Variants in MACC1 observed in about 807,000 individuals in gnomAD.
MACC1 encodes the protein metastasis-associated in colon cancer protein 1.
In MACC1, 79 loss-of-function variants were observed where a neutral mutation model predicts 70.7. The ratio of observed to expected loss-of-function variants is 1.12; its 90% confidence interval spans 0.93 to 1.35. MACC1 has a LOEUF of 1.35. MACC1 is among the 40% of genes most tolerant of loss of function. The pLI is 0.00. For synonymous variants in MACC1, 361 were observed against 347.2 expected (o/e 1.04, Z -0.44); for missense variants, 1,106 against 978.1 (o/e 1.13, Z -1.74).
intron 1 of MACC1, among the ~76,000 whole-genome samples, chr7:20,197,356 G>T (rs1053510069): frequency 6.6e-6 from 1 of 152,124 alleles, no homozygotes; most frequent in Non-Finnish European, 1.5e-5. Flanking sequence ...TATTCCCTTG[G>T]AATCTCTATT....
At chr7:20,169,987 C>T in intron 2 of MACC1, among the ~76,000 whole-genome samples, 1 of 152,182 alleles carries the variant, frequency 6.6e-6, no homozygotes, top group East Asian at 1.9e-4. Context: ...CTTGAGACTC[C>T]AATCTCTGAT....
chr7:20,197,999 A>C (rs536001006), intron 1 of MACC1, among the ~76,000 whole-genome samples: 59 of 152,354 alleles, frequency 3.9e-4, no homozygotes, highest in African/African-American at 1.3e-3. Context: ...CCTAAGAGGA[A>C]AATACCACCC....
chr7:20,170,079 A>C (rs1338603181), intron 2 of MACC1: 1 of 152,214 alleles, frequency 6.6e-6, no homozygotes, highest in African/African-American at 2.4e-5. Context: ...GATTCCTGCC[A>C]AAAGAGTGAC....
At chr7:20,144,753 G>T (rs559048335) in intron 6 of MACC1, among the ~76,000 whole-genome samples, 1 of 152,146 alleles carries the variant, frequency 6.6e-6, no homozygotes, top group Admixed American at 6.5e-5. Context: ...GACAGACAAG[G>T]GTTTAGCATC....
At chr7:20,180,642 T>A (rs1019505662) in intron 1 of MACC1, among the ~76,000 whole-genome samples, 2 of 152,024 alleles carry the variant, frequency 1.3e-5, no homozygotes, top group Non-Finnish European at 2.9e-5. Flanking sequence ...GTCAGGAGTT[T>A]GAGACCAGCC....
chr7:20,157,651 G>T (rs1267318464), intron 5 of MACC1, among the ~76,000 whole-genome samples: 104 of 150,026 alleles, frequency 6.9e-4, no homozygotes, highest in African/African-American at 2.5e-3. Context: ...CAGGCATGGC[G>T]GCACATGCCT....
At chr7:20,179,504 C>T (rs1325275991) in intron 1 of MACC1, among the ~76,000 whole-genome samples, 1 of 152,116 alleles carries the variant, frequency 6.6e-6, no homozygotes, top group Non-Finnish European at 1.5e-5. Context: ...CTTCTTAGGT[C>T]ACTAAATGGT....
At chr7:20,200,142 T>A (rs1200244682) in intron 1 of MACC1, among the ~76,000 whole-genome samples, 1 of 151,896 alleles carries the variant, frequency 6.6e-6, no homozygotes, top group African/African-American at 2.4e-5. Context: ...AATAAACACC[T>A]AGGAGTGTGT....
Position 20,158,377 on chromosome 7 carries a change from A to C in MACC1, c.1984T>G (p.Tyr662Asp). 11 of 1,613,750 alleles carry C rather than the reference A, an allele frequency of 6.8e-6. 1 individual carries two copies. Among genetic ancestry groups the C allele is most frequent in the Non-Finnish European group, 8.5e-6 (10 of 1,179,922 alleles). Residue 662 changes from tyrosine (Y) to aspartate (D), a missense_variant, in exon 5 of 7, where the codon TAT (tyrosine) becomes GAT (aspartate). Coordinates refer to ENST00000400331, the MANE Select transcript of MACC1 (RefSeq NM_182762.4). Reference sequence around the variant, plus strand: ...ACATCAGCTAAAACTTTCCAATCATAAACTTTTTCTGACACCAAGGTTAAT... The same window carrying C: ...ACATCAGCTAAAACTTTCCAATCATCAACTTTTTCTGACACCAAGGTTAAT... ...VVLTLVSEKV[Y>D]DWKVLADVLG... is the part of the protein sequence containing the mutation.
At position 20,187,363 on chromosome 7, in the gene MACC1, A is replaced by G. The variant is rs1374267511; in HGVS notation, c.-217-16585T>C. Among the ~76,000 whole-genome samples the G allele has an allele frequency of 1.6e-4, 24 of 152,302 alleles. No homozygotes were observed. In the East Asian group the frequency reaches 3.5e-3, roughly 22 times the overall value. Reference sequence around the variant, plus strand: ...ACAAAAAAATTCTTAAAATTGTGGTAAACTCTAATATGAATTAATATTTCA... The same window carrying G: ...ACAAAAAAATTCTTAAAATTGTGGTGAACTCTAATATGAATTAATATTTCA... On this transcript the variant is annotated intron_variant, in intron 1 of 6. Coordinates refer to ENST00000400331, the MANE Select transcript of MACC1 (RefSeq NM_182762.4).
chr7:20,161,821 A>C lies in MACC1; in HGVS notation c.42T>G (p.Ile14Met), dbSNP rs148891378. Residue 14 changes from isoleucine to methionine, a missense_variant, in exon 4 of 7, where the codon ATT (isoleucine) becomes ATG (methionine). Ile to Met is a conservative substitution (Grantham distance 10). Transcript: ENST00000400331. Reference sequence around the variant, plus strand: ...AATTTGCTTCAGACATACTTTGTGCAATTCTTCCTGACCGAAAATGTTTTC... The same window carrying C: ...AATTTGCTTCAGACATACTTTGTGCCATTCTTCCTGACCGAAAATGTTTTC... ...TERKHFRSGRIAQSMSEANLI... is the reference protein window; with the variant it reads ...TERKHFRSGRMAQSMSEANLI... 1.1e-3 allele frequency: 1,821 copies of C among 1,612,584 alleles called. 11 individuals carry two copies. Among genetic ancestry groups the C allele is most frequent in the Middle Eastern group, 5.1e-3 (31 of 6,050 alleles).
intron 6 of MACC1, among the ~76,000 whole-genome samples, chr7:20,145,025 C>T (rs1383152708): frequency 6.6e-6 from 1 of 152,152 alleles, no homozygotes; most frequent in African/African-American, 2.4e-5. Context: ...CACACAAGCT[C>T]CCTGGATATC....
At chr7:20,144,323 A>G (rs889199986) in intron 6 of MACC1, among the ~76,000 whole-genome samples, 14 of 152,244 alleles carry the variant, frequency 9.2e-5, no homozygotes, top group Admixed American at 3.9e-4. Context: ...TGTGATAATT[A>G]CAGAAAAACT....
chr7:20,164,228 C>G (rs1043121126), intron 3 of MACC1, 28 bp downstream of exon 3: 1 of 152,402 alleles, frequency 6.6e-6, no homozygotes, highest in African/African-American at 2.4e-5. Flanking sequence ...TGAGCCACCA[C>G]GCCCGGCCCA....
chr7:20,196,652 A>G (rs536531383), intron 1 of MACC1, among the ~76,000 whole-genome samples: 3 of 152,168 alleles, frequency 2.0e-5, no homozygotes, highest in Non-Finnish European at 2.9e-5. Context: ...TGCTCTATGT[A>G]ATATATATTA....
In MACC1 at chr7:20,158,674, G is replaced by A; in HGVS notation, c.1687C>T (p.Gln563Ter). Residue 563 changes from glutamine to a stop codon, truncating the protein, a stop_gained, in exon 5 of 7, where the codon CAA (glutamine) becomes TAA (stop). Coordinates refer to ENST00000400331, the MANE Select transcript of MACC1 (RefSeq NM_182762.4). LOFTEE classifies it high-confidence loss of function. ...TCAAGGAAGTAATCAATCTTGCTTT[G>A]TCTTAGCACTGCCTTCAGGGTTACC... ...YGVTLKAVLR[Q>*]SKIDYFLEYF... 6.2e-7 allele frequency: 1 copy of A among 1,613,842 alleles called. No individual in the cohort carries two copies. Among genetic ancestry groups the A allele is most frequent in the South Asian group, 1.1e-5 (1 of 91,068 alleles).
Position 20,136,202 on chromosome 7 carries a change from A to G in MACC1, c.*4744T>C, listed in dbSNP as rs891091731. The G allele has an allele frequency of 1.3e-5, 2 of 152,220 alleles. No homozygotes were observed. Among genetic ancestry groups the G allele is most frequent in the African/African-American group, 4.8e-5 (2 of 41,462 alleles). 9.4% of individuals were successfully genotyped at this position (152,220 alleles called of 1,614,324 possible). On this transcript the variant is annotated 3_prime_UTR_variant, in exon 7 of 7. Transcript: ENST00000400331. ...CAGGTCCACAGTCTCATAGGGAGTAAGGGAGTAATGGACAAAGATTAGAAA... is the reference window on the plus strand; with the variant it reads ...CAGGTCCACAGTCTCATAGGGAGTAGGGGAGTAATGGACAAAGATTAGAAA...
Position 20,207,422 on chromosome 7 carries a change from G to A in MACC1, c.-218+9877C>T, listed in dbSNP as rs1782928725. On this transcript the variant is annotated intron_variant, in intron 1 of 6. Transcript: ENST00000400331. ...CCACTTCTGTCTCCCAAAGTGCTGG[G>A]ATTACAGGCATGAGCCACTGGGCTC... Among the ~76,000 whole-genome samples, 4 of 151,976 alleles carry A rather than the reference G, an allele frequency of 2.6e-5. No homozygotes were observed. The South Asian group carries it at 8.3e-4, about 32-fold the overall frequency.
At chr7:20,171,585 T>C (rs1242800029) in intron 1 of MACC1, among the ~76,000 whole-genome samples, 2 of 146,474 alleles carry the variant, frequency 1.4e-5, no homozygotes, top group African/African-American at 5.0e-5. Flanking sequence ...CAATTATATC[T>C]GTTTTTTTTT....
Sources: allele counts gnomAD v4.1 joint callset (sites outside exome capture counted in the v4.1 genomes callset), GRCh38; gene constraint gnomAD v4.1.1; transcripts MANE v1.5; gene names NCBI Gene and HGNC (gene_info 2026-07-23, HGNC 2026-07-21).